NPTXR: variants seen among roughly 807,000 people sequenced by gnomAD.
The protein encoded by NPTXR is neuronal pentraxin receptor.
Under a neutral mutation model 32.2 loss-of-function variants are expected in NPTXR, and 12 were observed. The ratio of observed to expected loss-of-function variants is 0.37; its 90% CI spans 0.24 to 0.60. The LOEUF (loss-of-function observed/expected upper bound fraction) is 0.60, where lower values mean the gene tolerates loss of function less well. NPTXR is among the 20% of genes least tolerant of loss of function. NPTXR has a pLI of 0.66. For missense variants in NPTXR, 612 were observed against 682.9 expected, an observed-to-expected ratio of 0.90 and a Z score of 1.16; for synonymous variants, 323 against 315.8, an observed-to-expected ratio of 1.02 and a Z score of -0.24.
At chr22:38,830,852 G>A (rs1012742339) in intron 1 of NPTXR, among the ~76,000 whole-genome samples, 5 of 152,094 alleles carry the variant, frequency 3.3e-5, no homozygotes, top group African/African-American at 4.8e-5. Context: ...TGAAAGCAGC[G>A]GGAGAGGGGG....
At position 38,822,814 on chromosome 22, in the gene NPTXR, A is replaced by G. The variant is rs200610146; in HGVS notation, c.1298T>C (p.Phe433Ser). The change falls in exon 5 of 5, where the codon TTT becomes TCT. Residue 433 changes from phenylalanine to serine, a missense_variant. Physicochemically the swap from Phe to Ser is radical, Grantham distance 155. Transcript: ENST00000333039. ...ACCGACAAAGGCCTGGGTGGCATCA[A>G]ACCGGCCACCCAGGGTATCCTGGGC... is the stretch of plus-strand genomic sequence containing the variant. 451 of 1,613,980 alleles carry G rather than the reference A, an allele frequency of 2.8e-4. 1 individual carries two copies. The highest frequency in any genetic ancestry group is 2.2e-4 in the Non-Finnish European group (261 of 1,179,904).
rs375827140 is a variant in NPTXR at position 38,823,209 on chromosome 22, G to A, written c.1152C>T (p.Ile384=). 5.4e-5 allele frequency: 87 copies of A among 1,613,728 alleles called. No homozygotes were observed. The highest frequency in any genetic ancestry group is 6.9e-5 in the Non-Finnish European group (81 of 1,180,038). The change falls in exon 4 of 5, where the codon ATC becomes ATT. Residue 384 remains isoleucine (I), a synonymous_variant. Transcript: ENST00000333039. ...ATAGGCCATCCCTTGTGGTCCAGGC[G>A]ATGCAGATGTGGTGCCAGCCATTGT...
intron 1 of NPTXR, among the ~76,000 whole-genome samples, chr22:38,830,584 C>T (rs117773903): frequency 0.037 from 5,596 of 152,262 alleles, 143 homozygotes; most frequent in East Asian, 0.11. Context: ...TCACTCGCCA[C>T]GCAGCCTCTC....
chr22:38,836,930 T>C (rs2093124841), intron 1 of NPTXR, among the ~76,000 whole-genome samples: 1 of 152,194 alleles, frequency 6.6e-6, no homozygotes, highest in African/African-American at 2.4e-5. Context: ...TTCTCCTGCC[T>C]CAGCCTCCCG....
At position 38,828,341 on chromosome 22, in the gene NPTXR, C is replaced by T. The variant is rs777580982; in HGVS notation, c.796G>A (p.Glu266Lys). Residue 266 changes from glutamate to lysine, a missense_variant, in exon 2 of 5, where the codon GAA (glutamate) becomes AAA (lysine). Coordinates refer to ENST00000333039, the MANE Select transcript of NPTXR (RefSeq NM_014293.4). ...AGGACGTCCAACTCCTTTTCCACTT[C>T]CTGCCTCTGCCGGCGGCTGCTGTGG... 6.2e-7 allele frequency: 1 copy of T among 1,613,544 alleles called. No homozygotes were observed. Among genetic ancestry groups the T allele is most frequent in the Non-Finnish European group, 8.5e-7 (1 of 1,180,034 alleles).
rs2093091612 is a variant in NPTXR at position 38,818,681 on chromosome 22, A to G, written c.*3928T>C. 1 of 152,184 alleles carries G rather than the reference A, an allele frequency of 6.6e-6. No individual in the cohort carries two copies. The highest frequency in any genetic ancestry group is 1.5e-5 in the Non-Finnish European group (1 of 68,032). The allele number at this position is 152,184 out of a possible 1,614,324, so 9.4% of individuals were successfully genotyped here. A position where few individuals can be genotyped will look rare whatever the true frequency, so the allele number is the denominator to read the frequency against. On this transcript the variant is annotated 3_prime_UTR_variant, in exon 5 of 5. Transcript: ENST00000333039. The surrounding 1 kb of genome is among the most constrained non-coding windows in gnomAD (Gnocchi z 4.5). ...ATGTCACAGTGTCAGACAACTTGAC[A>G]TGCTCACTCACACTCAGCCTGGGCC...
At position 38,826,584 on chromosome 22, in the gene NPTXR, G is replaced by A. The variant is rs34609145; in HGVS notation, c.1014C>T (p.Phe338=). 1.2e-3 allele frequency: 1,955 copies of A among 1,614,266 alleles called. 32 individuals carry two copies. The African/African-American group carries it at 0.021, about 17-fold the overall frequency. ...TGGCCTGCCCGGGCACTGAGTAGGA[G>A]AAGGGGGTGCCCTGGCCGGTGCCGC... The change falls in exon 3 of 5, where the codon TTC becomes TTT. Residue 338 remains phenylalanine (F), a synonymous_variant. Transcript: ENST00000333039.
intron 1 of NPTXR, among the ~76,000 whole-genome samples, chr22:38,832,305 C>T: frequency 6.6e-6 from 1 of 152,240 alleles, no homozygotes; most frequent in East Asian, 1.9e-4. Flanking sequence ...GGGCTCCCGG[C>T]CCGATGCCAA....
Position 38,843,633 on chromosome 22 carries a change from C to G in NPTXR, c.226G>C (p.Gly76Arg). The G allele has an allele frequency of 2.7e-6, 3 of 1,102,558 alleles. No individual in the cohort carries two copies. The highest frequency in any genetic ancestry group is 3.3e-6 in the Non-Finnish European group (3 of 907,590). 68.3% of individuals were successfully genotyped at this position (1,102,558 alleles called of 1,614,324 possible). Residue 76 changes from glycine to arginine, a missense_variant, in exon 1 of 5, where the codon GGG (glycine) becomes CGG (arginine). Coordinates refer to ENST00000333039, the MANE Select transcript of NPTXR (RefSeq NM_014293.4). This position sits in a 1 kb window ranked among gnomAD's most constrained non-coding sequence, Gnocchi z 5.3. Reference sequence around the variant, plus strand: ...GGGTGCGCGCTGGCCGCGGGTGCCCCGGGCAGCGCGGGGGGCCCGGCTGAA... The same window carrying G: ...GGGTGCGCGCTGGCCGCGGGTGCCCGGGGCAGCGCGGGGGGCCCGGCTGAA...
Position 38,843,133 on chromosome 22 carries a change from A to T in NPTXR, c.624+102T>A. 8.9e-7 allele frequency: 1 copy of T among 1,128,108 alleles called. No homozygotes were observed. Among genetic ancestry groups the T allele is most frequent in the Non-Finnish European group, 1.1e-6 (1 of 895,018 alleles). 69.9% of individuals were successfully genotyped at this position (1,128,108 alleles called of 1,614,324 possible). On this transcript the variant is annotated intron_variant, in intron 1 of 4. Transcript: ENST00000333039. This position sits in a 1 kb window ranked among gnomAD's most constrained non-coding sequence, Gnocchi z 5.3. ...GCGAGGAAGGCGCGATCGTCCCCGG[A>T]ACACAGACGGGAGACCGGAGGCTCG...
In NPTXR at chr22:38,820,280, G is replaced by A. The variant is rs1047876329; in HGVS notation, c.*2329C>T. On this transcript the variant is annotated 3_prime_UTR_variant, in exon 5 of 5. Coordinates refer to ENST00000333039, the MANE Select transcript of NPTXR (RefSeq NM_014293.4). Reference sequence around the variant, plus strand: ...TTTCTTCCAGTGGGATTGTACTGGAGGGGCTGGGCAATCTATTTATGTTCT... The same window carrying A: ...TTTCTTCCAGTGGGATTGTACTGGAAGGGCTGGGCAATCTATTTATGTTCT... 3 of 152,636 alleles carry A rather than the reference G, an allele frequency of 2.0e-5. No individual in the cohort carries two copies. The highest frequency in any genetic ancestry group is 7.2e-5 in the African/African-American group (3 of 41,442). The allele number at this position is 152,636 out of a possible 1,614,324, so 9.5% of individuals were successfully genotyped here. A position where few individuals can be genotyped will look rare whatever the true frequency, so the allele number is the denominator to read the frequency against.
intron 1 of NPTXR, among the ~76,000 whole-genome samples, chr22:38,832,785 G>C (rs1194917093): frequency 6.6e-6 from 1 of 152,196 alleles, no homozygotes; most frequent in Admixed American, 6.5e-5. Flanking sequence ...CTGATGGTCT[G>C]GGTCTGTTGG....
rs754116377 is a variant in NPTXR at position 38,826,495 on chromosome 22, C to T, written c.1098+5G>A. On this transcript the variant is annotated splice_donor_5th_base_variant and intron_variant, in intron 3 of 4. Transcript: ENST00000333039. ...CAGCCAGCCCTCCCTGCCAGCCCTG[C>T]CTACCTTGTCGTTGATCAGCAGCTC... The T allele has an allele frequency of 1.3e-6, 2 of 1,598,868 alleles. No homozygotes were observed. The highest frequency in any genetic ancestry group is 1.7e-6 in the Non-Finnish European group (2 of 1,169,504).
At position 38,819,935 on chromosome 22, in the gene NPTXR, G is replaced by A. The variant is rs1373868618; in HGVS notation, c.*2674C>T. On this transcript the variant is annotated 3_prime_UTR_variant, in exon 5 of 5. Coordinates refer to ENST00000333039, the MANE Select transcript of NPTXR (RefSeq NM_014293.4). ...ACAGGAACAAGGCTTGGACGTCAGA[G>A]GTCTCATCTTCACTGTGACAAAGCA... 2 of 152,628 alleles carry A rather than the reference G, an allele frequency of 1.3e-5. No individual in the cohort carries two copies. Among genetic ancestry groups the A allele is most frequent in the Non-Finnish European group, 2.9e-5 (2 of 68,060 alleles). 9.5% of individuals were successfully genotyped at this position (152,628 alleles called of 1,614,324 possible). A position where few individuals can be genotyped will look rare whatever the true frequency, so the allele number is the denominator to read the frequency against.
At position 38,843,384 on chromosome 22, in the gene NPTXR, C is replaced by A; in HGVS notation, c.475G>T (p.Gly159Cys). ...CGCGGCAGGCCGCTCTCGCAGCGGC[C>A]CAGCTTGCCGGTGAGCTCACGGATG... Residue 159 changes from glycine (G) to cysteine (C), a missense_variant, in exon 1 of 5, where the codon GGC becomes TGC. Gly to Cys is a radical substitution (Grantham distance 159). Transcript: ENST00000333039. This position sits in a 1 kb window ranked among gnomAD's most constrained non-coding sequence, Gnocchi z 5.3. 7.1e-7 allele frequency: 1 copy of A among 1,411,776 alleles called. No individual in the cohort carries two copies. Among genetic ancestry groups the A allele is most frequent in the Non-Finnish European group, 9.2e-7 (1 of 1,091,936 alleles). The allele number at this position is 1,411,776 out of a possible 1,614,324, so 87.5% of individuals were successfully genotyped here. A position where few individuals can be genotyped will look rare whatever the true frequency, so the allele number is the denominator to read the frequency against.
At position 38,843,924 on chromosome 22, in the gene NPTXR, G is replaced by T; in HGVS notation, c.-66C>A. ...CGCGGCGGCGGGGTCGGGGCGCGGA[G>T]CCCGGGCGCGCTGGGCCGAGCGGGG... On this transcript the variant is annotated 5_prime_UTR_variant, in exon 1 of 5. Transcript: ENST00000333039. This position sits in a 1 kb window ranked among gnomAD's most constrained non-coding sequence, Gnocchi z 5.3. The T allele has an allele frequency of 8.8e-6, 8 of 907,326 alleles. No individual in the cohort carries two copies. The highest frequency in any genetic ancestry group is 1.1e-5 in the Non-Finnish European group (8 of 761,150). The allele number at this position is 907,326 out of a possible 1,614,324, so 56.2% of individuals were successfully genotyped here. A position where few individuals can be genotyped will look rare whatever the true frequency, so the allele number is the denominator to read the frequency against.
intron 1 of NPTXR, among the ~76,000 whole-genome samples, chr22:38,838,795 ATGGTCTCGATC>A (rs1568987367): frequency 1.3e-5 from 2 of 151,754 alleles, no homozygotes; most frequent in African/African-American, 4.8e-5. Flanking sequence ...GTTAGCCAGG[ATGGTCTCGATC>A]TCCTGACCTC....
chr22:38,838,780 A>G (rs2093128040), intron 1 of NPTXR, among the ~76,000 whole-genome samples: 3 of 151,738 alleles, frequency 2.0e-5, no homozygotes, highest in Non-Finnish European at 4.4e-5. Flanking sequence ...ACGGGGTTTC[A>G]CCGTGTTAGC....
intron 1 of NPTXR, among the ~76,000 whole-genome samples, chr22:38,839,465 T>C (rs1340092581): frequency 6.6e-6 from 1 of 152,002 alleles, no homozygotes; most frequent in African/African-American, 2.4e-5. Context: ...ACCAACAAGG[T>C]AAAACCCCAT....
Sources: gnomAD v4.1 joint callset for allele counts (sites outside exome capture counted in the v4.1 genomes callset) on GRCh38, gnomAD v4.1.1 for gene constraint, Gnocchi (gnomAD v3.1) non-coding constraint, MANE v1.5 for transcripts, NCBI Gene and HGNC (gene_info 2026-07-23, HGNC 2026-07-21) for gene names.